Variants in SLC22A23 observed in about 807,000 individuals in gnomAD.
SLC22A23 encodes the protein solute carrier family 22 member 23.
SLC22A23 carries 26 observed loss-of-function variants against 61.0 expected under a neutral mutation model. That is an observed-to-expected ratio of 0.43 (90% confidence interval 0.31 to 0.59). SLC22A23 has a LOEUF of 0.59. Among genes scored for constraint, SLC22A23 ranks in the 20% least tolerant of loss-of-function variants. The pLI, the probability that SLC22A23 is intolerant of heterozygous loss-of-function variation, is 0.11. For missense variants in SLC22A23, 796 were observed against 934.7 expected (o/e 0.85, Z 1.94); for synonymous variants, 430 against 413.9 (o/e 1.04, Z -0.47).
At chr6:3,408,677 T>C (rs1294008900) in intron 3 of SLC22A23, among the ~76,000 whole-genome samples, 1 of 152,224 alleles carries the variant, frequency 6.6e-6, no homozygotes, top group Non-Finnish European at 1.5e-5. Context: ...TACACCATCT[T>C]TGCGGTAAGG....
At position 3,286,931 on chromosome 6, in the gene SLC22A23, G is replaced by C; in HGVS notation, c.1474C>G (p.Arg492Gly). 6.2e-7 allele frequency: 1 copy of C among 1,613,804 alleles called. No individual in the cohort carries two copies. The highest frequency in any genetic ancestry group is 8.5e-7 in the Non-Finnish European group (1 of 1,179,972). The stretch of plus-strand genomic sequence containing the variant: ...ATGAAGAGCAGCAGCCCTCCCCTGC[G>C]CCCGAGGAATCGGACCACCACGCAC... ...AMCVVVRFLG[R>G]RGGLLLFMIL... Residue 492 changes from arginine to glycine, a missense_variant, in exon 7 of 10, where the codon CGC becomes GGC. Physicochemically the swap from Arg to Gly is moderately radical, Grantham distance 125. Transcript: ENST00000406686. This position sits in a 1 kb window ranked among gnomAD's most constrained non-coding sequence, Gnocchi z 4.2.
rs778100074 is a variant in SLC22A23, at chr6:3,297,251, G to A, written c.1210+840C>T. 6.6e-6 allele frequency among the ~76,000 whole-genome samples: 1 copy of A among 152,186 alleles called. No individual in the cohort carries two copies. Among genetic ancestry groups the A allele is most frequent in the Non-Finnish European group, 1.5e-5 (1 of 68,034 alleles). On this transcript the variant is annotated intron_variant, in intron 5 of 9. Coordinates refer to ENST00000406686, the MANE Select transcript of SLC22A23 (RefSeq NM_015482.2). This position sits in a 1 kb window ranked among gnomAD's most constrained non-coding sequence, Gnocchi z 4.3. ...CATGATCACAAGCATTTCTGGTCAG[G>A]GGGGAAAATGAGCATATTCTCTCTT...
chr6:3,331,343 C>T lies in SLC22A23; in HGVS notation c.914-7341G>A, dbSNP rs150153501. On this transcript the variant is annotated intron_variant, in intron 3 of 9. Coordinates refer to ENST00000406686, the MANE Select transcript of SLC22A23 (RefSeq NM_015482.2). ...CCTCAGAGCCTAGGACTGTGCCTGA[C>T]ACACACCAGAAGCTCAGATACTTGT... is the stretch of plus-strand genomic sequence containing the variant. 8.1e-4 allele frequency among the ~76,000 whole-genome samples: 123 copies of T among 152,368 alleles called. 3 individuals carry two copies. In the East Asian group the frequency reaches 0.023, roughly 29 times the overall value.
intron 3 of SLC22A23, among the ~76,000 whole-genome samples, chr6:3,335,285 G>A (rs568909794): frequency 8.1e-4 from 123 of 152,266 alleles, no homozygotes; most frequent in African/African-American, 2.9e-3. Context: ...CGGAGGCTCC[G>A]AGGCCTTCTA....
chr6:3,451,363 A>T (rs1772148732), intron 1 of SLC22A23, among the ~76,000 whole-genome samples: 1 of 152,000 alleles, frequency 6.6e-6, no homozygotes, highest in African/African-American at 2.4e-5. Flanking sequence ...CGCCCAGCTA[A>T]TTTTTCTATT....
chr6:3,277,129 G>A (rs563320531), intron 9 of SLC22A23, among the ~76,000 whole-genome samples: 80 of 152,320 alleles, frequency 5.3e-4, no homozygotes, highest in African/African-American at 1.9e-3. Context: ...AGTCTTTCAG[G>A]GTCTAGGGGG....
At position 3,286,953 on chromosome 6, in the gene SLC22A23, G is replaced by A. The variant is rs1255216232; in HGVS notation, c.1452C>T (p.Cys484=). The change falls in exon 7 of 10, where the codon TGC becomes TGT. Residue 484 remains cysteine (C), a synonymous_variant. Coordinates refer to ENST00000406686, the MANE Select transcript of SLC22A23 (RefSeq NM_015482.2). The surrounding 1 kb of genome is among the most constrained non-coding windows in gnomAD (Gnocchi z 4.2). ...SIALVSCLAM[C]VVVRFLGRRG... ...TGCGCCCGAGGAATCGGACCACCAC[G>A]CACATGGCCAGGCAGGACACCAGCG... 15 of 1,614,082 alleles carry A rather than the reference G, an allele frequency of 9.3e-6. No individual in the cohort carries two copies. In the East Asian group the frequency reaches 1.3e-4, roughly 14 times the overall value.
intron 3 of SLC22A23, among the ~76,000 whole-genome samples, chr6:3,341,197 A>T (rs1232535767): frequency 6.6e-6 from 1 of 152,248 alleles, no homozygotes; most frequent in African/African-American, 2.4e-5. Flanking sequence ...GATTCATTGG[A>T]AAGAGGGTTT....
intron 3 of SLC22A23, among the ~76,000 whole-genome samples, chr6:3,348,528 A>G (rs1345464019): frequency 6.6e-6 from 1 of 152,184 alleles, no homozygotes; most frequent in Non-Finnish European, 1.5e-5. Flanking sequence ...AGTGCACACT[A>G]TAGAATCCGG....
chr6:3,294,348 T>A (rs955373127), intron 5 of SLC22A23, among the ~76,000 whole-genome samples: 3 of 152,242 alleles, frequency 2.0e-5, no homozygotes, highest in African/African-American at 7.2e-5. Context: ...TGAAATGCTC[T>A]AAAATTGAGA....
At chr6:3,341,113 T>TAG (rs1199022391) in intron 3 of SLC22A23, among the ~76,000 whole-genome samples, 1 of 152,194 alleles carries the variant, frequency 6.6e-6, no homozygotes, top group Non-Finnish European at 1.5e-5. Context: ...GCATTTAATA[T>TAG]AGAGAAACAA....
At chr6:3,348,388 T>C (rs551353578) in intron 3 of SLC22A23, among the ~76,000 whole-genome samples, 2 of 152,198 alleles carry the variant, frequency 1.3e-5, no homozygotes, top group African/African-American at 2.4e-5. Flanking sequence ...TCTTCTTACC[T>C]GAGCTTTGGG....
chr6:3,327,589 A>G lies in SLC22A23; in HGVS notation c.914-3587T>C, dbSNP rs1763354543. On this transcript the variant is annotated intron_variant, in intron 3 of 9. Transcript: ENST00000406686. This position sits in a 1 kb window ranked among gnomAD's most constrained non-coding sequence, Gnocchi z 4.1. ...TCAAATCCTGCTCCTGGTACATAGA[A>G]GCTGTGACCTTGGTTCAGTCAGTTA... Among the ~76,000 whole-genome samples, 1 of 152,166 alleles carries G rather than the reference A, an allele frequency of 6.6e-6. No individual in the cohort carries two copies. The highest frequency in any genetic ancestry group is 2.1e-4 in the South Asian group (1 of 4,826).
intron 1 of SLC22A23, among the ~76,000 whole-genome samples, chr6:3,453,250 T>TA (rs1301901963): frequency 1.3e-5 from 2 of 152,040 alleles, no homozygotes; most frequent in African/African-American, 2.4e-5. Context: ...AATAATTTTT[T>TA]AAAAAAAATT....
chr6:3,295,733 A>G (rs374172450), intron 5 of SLC22A23, among the ~76,000 whole-genome samples: 1 of 152,162 alleles, frequency 6.6e-6, no homozygotes, highest in Non-Finnish European at 1.5e-5. Context: ...CTTCCCCCAC[A>G]CTCAGCAGCC....
In SLC22A23 at chr6:3,360,859, A is replaced by T. The variant is rs1581748901; in HGVS notation, c.914-36857T>A. Among the ~76,000 whole-genome samples, 2 of 152,312 alleles carry T rather than the reference A, an allele frequency of 1.3e-5. No individual in the cohort carries two copies. The highest frequency in any genetic ancestry group is 6.5e-5 in the Admixed American group (1 of 15,298). On this transcript the variant is annotated intron_variant, in intron 3 of 9. Coordinates refer to ENST00000406686, the MANE Select transcript of SLC22A23 (RefSeq NM_015482.2). The surrounding 1 kb of genome is among the most constrained non-coding windows in gnomAD (Gnocchi z 4.6). ...TCCAGGGCGGGAACGGGATTGGACG[A>T]AGCCTTCCCTCGGGCAAAGATGCTG...
At chr6:3,363,407 G>C (rs13197645) in intron 3 of SLC22A23, among the ~76,000 whole-genome samples, 1 of 152,032 alleles carries the variant, frequency 6.6e-6, no homozygotes. Context: ...CTTCCTCCTC[G>C]GGGGACTGTG....
At chr6:3,393,178 C>T (rs899246251) in intron 3 of SLC22A23, among the ~76,000 whole-genome samples, 6 of 152,136 alleles carry the variant, frequency 3.9e-5, no homozygotes, top group African/African-American at 1.4e-4. Context: ...GGGAATTCCA[C>T]CTGAGCAGCG....
At chr6:3,305,884 C>T (rs960304418) in intron 4 of SLC22A23, among the ~76,000 whole-genome samples, 3 of 152,194 alleles carry the variant, frequency 2.0e-5, no homozygotes, top group Admixed American at 6.5e-5. Flanking sequence ...TGGCTGTGGC[C>T]AGGATGGCAG....
Sources: allele counts gnomAD v4.1 joint callset (sites outside exome capture counted in the v4.1 genomes callset), GRCh38; gene constraint gnomAD v4.1.1; non-coding constraint Gnocchi (gnomAD v3.1); transcripts MANE v1.5; gene names NCBI Gene and HGNC (gene_info 2026-07-23, HGNC 2026-07-21).